The following MYO3A variants were observed in gnomAD, a reference collection of about 807,000 sequenced individuals.
The protein encoded by MYO3A is myosin IIIA.
A neutral mutation model predicts 192.7 loss-of-function variants in MYO3A; 180 were observed. That is an observed-to-expected ratio of 0.93 (90% CI 0.83 to 1.06). The LOEUF is 1.06. Ranked by LOEUF, MYO3A falls within the 50% of genes least tolerant of loss-of-function variation. The pLI, the probability that MYO3A is intolerant of heterozygous loss-of-function variation, is 0.00. For synonymous variants in MYO3A, 628 were observed against 645.3 expected (o/e 0.97, Z 0.41); for missense variants, 1,896 against 1,905.0 (o/e 1.00, Z 0.09).
chr10:25,949,539 A>G (rs1837068275), intron 2 of MYO3A, among the ~76,000 whole-genome samples: 1 of 152,122 alleles, frequency 6.6e-6, no homozygotes, highest in Admixed American at 6.5e-5. Context: ...GTTAAAGAGG[A>G]TGATTATTAC....
chr10:26,045,547 C>G (rs1278406185), intron 10 of MYO3A, among the ~76,000 whole-genome samples: 1 of 152,058 alleles, frequency 6.6e-6, no homozygotes, highest in East Asian at 1.9e-4. Context: ...GGCTTTTTGT[C>G]CTTGGTTCAT....
intron 10 of MYO3A, among the ~76,000 whole-genome samples, chr10:26,056,030 T>A (rs1027631036): frequency 1.1e-4 from 17 of 152,310 alleles, no homozygotes; most frequent in Admixed American, 6.5e-4. Flanking sequence ...GGCAGGTATG[T>A]TGAATTACCA....
intron 23 of MYO3A, 41 bp downstream of exon 23, chr10:26,147,600 A>G (rs777561232): frequency 6.2e-7 from 1 of 1,613,150 alleles, no homozygotes; most frequent in South Asian, 1.1e-5. Flanking sequence ...CTGAAGCCCA[A>G]TCAAATAGTT....
At chr10:26,141,559 C>T (rs1472814318) in intron 20 of MYO3A, among the ~76,000 whole-genome samples, 2 of 152,158 alleles carry the variant, frequency 1.3e-5, no homozygotes, top group African/African-American at 4.8e-5. Flanking sequence ...ATGACAAATG[C>T]ATTAGTTTAG....
At chr10:26,032,279 A>T (rs888874092) in intron 10 of MYO3A, among the ~76,000 whole-genome samples, 5 of 152,214 alleles carry the variant, frequency 3.3e-5, no homozygotes, top group Non-Finnish European at 5.9e-5. Context: ...ATGTGGAAGG[A>T]TTAACAAAAG....
At chr10:26,197,953 C>G (rs899098995) in intron 32 of MYO3A, among the ~76,000 whole-genome samples, 1 of 152,206 alleles carries the variant, frequency 6.6e-6, no homozygotes, top group East Asian at 1.9e-4. Flanking sequence ...GGAGGCGAGG[C>G]CTATGCTCGC....
chr10:26,027,718 G>A (rs189301933), intron 10 of MYO3A, among the ~76,000 whole-genome samples: 1 of 152,224 alleles, frequency 6.6e-6, no homozygotes, highest in East Asian at 1.9e-4. Context: ...TTCTTTCACT[G>A]AATAGTGAAT....
At chr10:26,202,386 C>T in intron 33 of MYO3A, among the ~76,000 whole-genome samples, 1 of 152,186 alleles carries the variant, frequency 6.6e-6, no homozygotes, top group East Asian at 1.9e-4. Flanking sequence ...CCAGACTGTG[C>T]CCTGAGTAGA....
At chr10:26,163,780 C>G (rs562675355) in intron 26 of MYO3A, among the ~76,000 whole-genome samples, 1 of 152,234 alleles carries the variant, frequency 6.6e-6, no homozygotes, top group South Asian at 2.1e-4. Flanking sequence ...ATTTAGGAAT[C>G]ACCACATACA....
chr10:26,052,715 C>G (rs1844076071), intron 10 of MYO3A, among the ~76,000 whole-genome samples: 1 of 152,306 alleles, frequency 6.6e-6, no homozygotes, highest in South Asian at 2.1e-4. Context: ...TTAGGTGATA[C>G]AGCTTGATAT....
At chr10:25,965,960 T>C (rs537970304) in intron 4 of MYO3A, among the ~76,000 whole-genome samples, 9 of 129,928 alleles carry the variant, frequency 6.9e-5, no homozygotes, top group Admixed American at 4.4e-4. Context: ...TTTTTTTTTT[T>C]CTCTCTCTCT....
intron 7 of MYO3A, among the ~76,000 whole-genome samples, chr10:26,017,319 C>G (rs553445493): frequency 1.3e-5 from 2 of 152,268 alleles, no homozygotes; most frequent in African/African-American, 4.8e-5. Context: ...GTCACTCTGC[C>G]TGGGGGCTAT....
At position 25,996,618 on chromosome 10, in the gene MYO3A, G is replaced by A. The variant is rs368235548; in HGVS notation, c.408+24G>A. 12 of 1,569,444 alleles carry A rather than the reference G, an allele frequency of 7.6e-6. No individual in the cohort carries two copies. The Middle Eastern group carries it at 6.9e-4, about 91-fold the overall frequency. On this transcript the variant is annotated intron_variant, in intron 5 of 34. Transcript: ENST00000642920. ...TGGTAAGGCAATTTAAATTGTATGTGCATTAATTATGAAGCAGTTCCAGTT... is the reference window on the plus strand; with the variant it reads ...TGGTAAGGCAATTTAAATTGTATGTACATTAATTATGAAGCAGTTCCAGTT...
chr10:26,005,845 A>T (rs995063181), intron 6 of MYO3A, among the ~76,000 whole-genome samples: 2 of 152,142 alleles, frequency 1.3e-5, no homozygotes, highest in Admixed American at 1.3e-4. Context: ...TCATAACTAT[A>T]TAAAACATTA....
intron 4 of MYO3A, among the ~76,000 whole-genome samples, chr10:25,966,101 G>C (rs1838249393): frequency 6.6e-6 from 1 of 151,994 alleles, no homozygotes; most frequent in Admixed American, 6.6e-5. Context: ...GTCCTTGCGA[G>C]GGGGTGGGAC....
intron 7 of MYO3A, among the ~76,000 whole-genome samples, chr10:26,018,214 C>G (rs1842088034): frequency 6.7e-6 from 1 of 149,316 alleles, no homozygotes; most frequent in African/African-American, 2.4e-5. Context: ...TCTGGCTTAG[C>G]AAACTAATGG....
At chr10:26,209,362 C>CCATCTTAAAAAA (rs1844118177) in intron 34 of MYO3A, among the ~76,000 whole-genome samples, 1 of 152,192 alleles carries the variant, frequency 6.6e-6, no homozygotes, top group African/African-American at 2.4e-5. Context: ...GCATTCAGAT[C>CCATCTTAAAAAA]CATCTTAAAA....
chr10:26,140,291 C>T (rs1248592215), intron 20 of MYO3A, among the ~76,000 whole-genome samples: 1 of 152,172 alleles, frequency 6.6e-6, no homozygotes, highest in Non-Finnish European at 1.5e-5. Context: ...CTGGAATGGC[C>T]GTTTGGCCCT....
At chr10:26,030,254 G>A (rs964740874) in intron 10 of MYO3A, among the ~76,000 whole-genome samples, 2 of 151,978 alleles carry the variant, frequency 1.3e-5, no homozygotes, top group Non-Finnish European at 2.9e-5. Flanking sequence ...CTTACCTGGT[G>A]CTTTTGTTTG....
Sources: gnomAD v4.1 joint callset for allele counts (sites outside exome capture counted in the v4.1 genomes callset) on GRCh38, gnomAD v4.1.1 for gene constraint, MANE v1.5 for transcripts, NCBI Gene and HGNC (gene_info 2026-07-23, HGNC 2026-07-21) for gene names.